CDIN1: variants seen among roughly 807,000 people sequenced by gnomAD.
The protein encoded by CDIN1 is CDAN1 interacting nuclease 1, also known as CDAN1-interacting nuclease 1.
Under a neutral mutation model 45.3 loss-of-function variants are expected in CDIN1, and 33 were observed. The ratio of observed to expected loss-of-function variants is 0.73; its 90% CI spans 0.55 to 0.97. The LOEUF (loss-of-function observed/expected upper bound fraction) is 0.97, where lower values mean the gene tolerates loss of function less well. Among genes scored for constraint, CDIN1 ranks in the 50% least tolerant of loss-of-function variants. The probability of loss-of-function intolerance (pLI) is 0.00; values close to 1 mark genes in which losing one functional copy is unlikely to be tolerated. For synonymous variants in CDIN1, 118 were observed against 124.4 expected, an observed-to-expected ratio of 0.95 and a Z score of 0.34; for missense variants, 303 against 339.4, an observed-to-expected ratio of 0.89 and a Z score of 0.84.
intron 4 of CDIN1, among the ~76,000 whole-genome samples, chr15:36,654,713 C>T (rs10518897): frequency 0.23 from 34,955 of 151,862 alleles, 4,306 homozygotes; most frequent in Admixed American, 0.34. Context: ...TGAACTTATT[C>T]GTTAACTCTG....
At position 36,636,409 on chromosome 15, in the gene CDIN1, G is replaced by A. The variant is rs147627386; in HGVS notation, c.102-7869G>A. Among the ~76,000 whole-genome samples the A allele has an allele frequency of 5.5e-4, 83 of 152,196 alleles. 2 individuals are homozygous for A. The East Asian group carries it at 0.013, about 24-fold the overall frequency. The stretch of plus-strand genomic sequence containing the variant: ...CTACTAAAAATACAAAAAATTAGCC[G>A]TTTGTGGTGGCAGGCGCCTGTAGTC... On this transcript the variant is annotated intron_variant, in intron 1 of 10. Coordinates refer to ENST00000566621, the MANE Select transcript of CDIN1 (RefSeq NM_001321759.2).
chr15:36,588,215 A>G (rs531331128), intron 1 of CDIN1, among the ~76,000 whole-genome samples: 2 of 152,200 alleles, frequency 1.3e-5, no homozygotes. Flanking sequence ...AGTATTTCAC[A>G]GTGATATATA....
chr15:36,759,145 G>A (rs2053688417), intron 10 of CDIN1, among the ~76,000 whole-genome samples: 1 of 152,058 alleles, frequency 6.6e-6, no homozygotes, highest in Non-Finnish European at 1.5e-5. Context: ...AAGATACATC[G>A]AGGGGTGCAG....
chr15:36,592,343 T>TG (rs2037617594), intron 1 of CDIN1, among the ~76,000 whole-genome samples: 3 of 152,148 alleles, frequency 2.0e-5, no homozygotes, highest in Admixed American at 2.0e-4. Context: ...ACCACAGAAA[T>TG]TGGCAAATGG....
intron 5 of CDIN1, among the ~76,000 whole-genome samples, chr15:36,662,100 T>G (rs1201496400): frequency 6.6e-6 from 1 of 152,220 alleles, no homozygotes; most frequent in Non-Finnish European, 1.5e-5. Context: ...TATAAACTGA[T>G]GTTTTTGCTT....
At chr15:36,590,926 G>C (rs975856647) in intron 1 of CDIN1, among the ~76,000 whole-genome samples, 3 of 152,200 alleles carry the variant, frequency 2.0e-5, no homozygotes, top group Non-Finnish European at 4.4e-5. Flanking sequence ...GATCAGCCTA[G>C]TATGAATGAT....
intron 10 of CDIN1, among the ~76,000 whole-genome samples, chr15:36,775,508 A>G (rs989982467): frequency 6.6e-6 from 1 of 152,346 alleles, no homozygotes. Flanking sequence ...GTCAGGCAGC[A>G]GTGCCTATGA....
chr15:36,673,737 T>C (rs2041538180), intron 5 of CDIN1, among the ~76,000 whole-genome samples: 1 of 152,000 alleles, frequency 6.6e-6, no homozygotes, highest in Admixed American at 6.6e-5. Context: ...AAAAAAAATT[T>C]GGCAGGGTGG....
chr15:36,672,740 A>T (rs2041497819), intron 5 of CDIN1, among the ~76,000 whole-genome samples: 1 of 151,996 alleles, frequency 6.6e-6, no homozygotes, highest in African/African-American at 2.4e-5. Context: ...AAGCATATTC[A>T]TCACTTTGTC....
chr15:36,725,011 C>A (rs1256368050), intron 10 of CDIN1, among the ~76,000 whole-genome samples: 1 of 152,072 alleles, frequency 6.6e-6, no homozygotes, highest in Admixed American at 6.6e-5. Context: ...TCATGCATAC[C>A]CCACATCCAA....
intron 10 of CDIN1, among the ~76,000 whole-genome samples, chr15:36,793,038 C>T (rs569984013): frequency 3.9e-5 from 6 of 152,136 alleles, no homozygotes; most frequent in Non-Finnish European, 7.3e-5. Flanking sequence ...GTATCTCCCC[C>T]CTCTTACCCA....
intron 5 of CDIN1, among the ~76,000 whole-genome samples, chr15:36,680,304 ATCTT>A (rs1465998110): frequency 6.6e-6 from 1 of 152,198 alleles, no homozygotes; most frequent in Non-Finnish European, 1.5e-5. Context: ...TCTTAGAAGG[ATCTT>A]TTTAAGTATA....
At chr15:36,750,496 C>G (rs1479276664) in intron 10 of CDIN1, among the ~76,000 whole-genome samples, 2 of 152,084 alleles carry the variant, frequency 1.3e-5, no homozygotes, top group African/African-American at 4.8e-5. Flanking sequence ...TACTATGTAC[C>G]AGGCATCCAA....
At chr15:36,800,905 GTGTGTATATATATATATATATATA>G (rs1174371276) in intron 10 of CDIN1, among the ~76,000 whole-genome samples, 6 of 22,102 alleles carry the variant, frequency 2.7e-4, no homozygotes, top group Non-Finnish European at 4.7e-4. Flanking sequence ...GTGTGTGTGT[GTGTGTATATATATATATATATATA>G]TATATATATA....
chr15:36,771,184 G>A (rs539712766), intron 10 of CDIN1, among the ~76,000 whole-genome samples: 4 of 152,126 alleles, frequency 2.6e-5, no homozygotes, highest in African/African-American at 9.6e-5. Context: ...ATTTCTTATT[G>A]TATATATTGT....
intron 1 of CDIN1, among the ~76,000 whole-genome samples, chr15:36,593,621 T>G (rs924330802): frequency 2.6e-5 from 4 of 152,172 alleles, no homozygotes; most frequent in Non-Finnish European, 5.9e-5. Flanking sequence ...TGGAGTGCAG[T>G]GGCGTGATCT....
At chr15:36,690,141 T>TA (rs1415364017) in intron 5 of CDIN1, among the ~76,000 whole-genome samples, 1 of 152,216 alleles carries the variant, frequency 6.6e-6, no homozygotes, top group Non-Finnish European at 1.5e-5. Context: ...TATAAGCATG[T>TA]AGTTATATGA....
At chr15:36,620,243 C>T (rs1390173673) in intron 1 of CDIN1, among the ~76,000 whole-genome samples, 1 of 151,832 alleles carries the variant, frequency 6.6e-6, no homozygotes, top group Non-Finnish European at 1.5e-5. Flanking sequence ...CCCAGCTACC[C>T]GGGAGGCTGA....
intron 10 of CDIN1, among the ~76,000 whole-genome samples, chr15:36,741,010 C>T (rs1242188577): frequency 1.3e-5 from 2 of 152,074 alleles, no homozygotes; most frequent in Admixed American, 6.5e-5. Context: ...GATCATGGCT[C>T]ACTGCAGCCT....
Sources: allele counts gnomAD v4.1 joint callset (sites outside exome capture counted in the v4.1 genomes callset), GRCh38; gene constraint gnomAD v4.1.1; transcripts MANE v1.5; gene names NCBI Gene and HGNC (gene_info 2026-07-23, HGNC 2026-07-21).